Variants in EYS observed in about 807,000 individuals in gnomAD.
EYS encodes the protein protein eyes shut homolog.
Under a neutral mutation model 282.1 loss-of-function variants are expected in EYS, and 250 were observed. The observed-to-expected ratio is 0.89, with a 90% CI of 0.80 to 0.98. The LOEUF (loss-of-function observed/expected upper bound fraction) is 0.98, where lower values mean the gene tolerates loss of function less well. EYS is among the 50% of genes least tolerant of loss of function. The pLI is 0.00. For synonymous variants in EYS, 1,355 were observed against 1,282.9 expected (o/e 1.06, Z -1.20); for missense variants, 4,016 against 3,709.0 (o/e 1.08, Z -2.15).
chr6:64,634,706 ATG>A (rs1418083128), intron 22 of EYS, among the ~76,000 whole-genome samples: 1 of 152,230 alleles, frequency 6.6e-6, no homozygotes, highest in Non-Finnish European at 1.5e-5. Context: ...CCTATTTCAT[ATG>A]TCAAAAAACA....
intron 19 of EYS, among the ~76,000 whole-genome samples, chr6:64,869,211 T>C (rs1766516573): frequency 6.6e-6 from 1 of 151,604 alleles, no homozygotes; most frequent in Admixed American, 6.6e-5. Context: ...CCATGTTCCA[T>C]AAACATGAAC....
intron 39 of EYS, among the ~76,000 whole-genome samples, chr6:63,783,126 C>T (rs1405822830): frequency 6.6e-6 from 1 of 152,152 alleles, no homozygotes; most frequent in Non-Finnish European, 1.5e-5. Context: ...ATGAGAATAA[C>T]TCTCATTTAC....
intron 29 of EYS, among the ~76,000 whole-genome samples, chr6:64,344,101 G>C (rs1299848372): frequency 6.6e-6 from 1 of 152,136 alleles, no homozygotes; most frequent in Non-Finnish European, 1.5e-5. Context: ...GGACAAGATG[G>C]ATTCACAGCC....
At chr6:64,333,825 C>T (rs1296598718) in intron 29 of EYS, among the ~76,000 whole-genome samples, 2 of 152,126 alleles carry the variant, frequency 1.3e-5, no homozygotes, top group Non-Finnish European at 2.9e-5. Context: ...TGTGTTTACC[C>T]AGCTAGCCAA....
At chr6:64,518,775 A>G (rs1777638428) in intron 26 of EYS, among the ~76,000 whole-genome samples, 1 of 131,328 alleles carries the variant, frequency 7.6e-6, no homozygotes, top group Non-Finnish European at 1.7e-5. Flanking sequence ...ACGGGTTTAT[A>G]AGGGGCCCCC....
chr6:64,120,477 T>TA (rs1372920243), intron 31 of EYS, among the ~76,000 whole-genome samples: 5 of 151,792 alleles, frequency 3.3e-5, no homozygotes, highest in Non-Finnish European at 5.9e-5. Context: ...AACTACTTTC[T>TA]AAAATCTTCC....
chr6:63,985,386 A>G (rs988364549), intron 34 of EYS, among the ~76,000 whole-genome samples: 1 of 151,676 alleles, frequency 6.6e-6, no homozygotes, highest in Non-Finnish European at 1.5e-5. Flanking sequence ...TAGTTTCCAG[A>G]GCTGTAAGAA....
intron 31 of EYS, among the ~76,000 whole-genome samples, chr6:64,091,274 C>T (rs924553440): frequency 1.3e-5 from 2 of 152,006 alleles, no homozygotes; most frequent in African/African-American, 2.4e-5. Flanking sequence ...AGACACATTG[C>T]CGTTGATTTA....
At chr6:65,027,344 A>G (rs778000490) in intron 13 of EYS, among the ~76,000 whole-genome samples, 43 of 152,290 alleles carry the variant, frequency 2.8e-4, no homozygotes, top group Middle Eastern at 3.4e-3. Flanking sequence ...ATCTGACTTC[A>G]TTAGAAGTTT....
chr6:64,613,429 A>G (rs191219727), intron 24 of EYS, among the ~76,000 whole-genome samples: 1 of 151,890 alleles, frequency 6.6e-6, no homozygotes, highest in African/African-American at 2.4e-5. Context: ...TGGTGTGTAG[A>G]GAATTTGGAA....
intron 26 of EYS, among the ~76,000 whole-genome samples, chr6:64,579,578 G>T (rs1193019930): frequency 6.6e-6 from 1 of 152,058 alleles, no homozygotes; most frequent in Non-Finnish European, 1.5e-5. Flanking sequence ...TATCTGTGTT[G>T]TTTCTTGGTC....
In EYS at chr6:65,512,424, G is replaced by A. The variant is rs185305425; in HGVS notation, c.-332-16431C>T. On this transcript the variant is annotated intron_variant, in intron 2 of 42. Coordinates refer to ENST00000503581, the MANE Select transcript of EYS (RefSeq NM_001142800.2). ...GAATGGCATGAACCCGGGAGGCGGA[G>A]CTTGCAGTGAGCCAAGATTGAGCCA... 7.7e-3 allele frequency among the ~76,000 whole-genome samples: 1,155 copies of A among 150,648 alleles called. 18 individuals carry two copies. The highest frequency in any genetic ancestry group is 0.025 in the African/African-American group (1,034 of 41,004).
chr6:65,658,795 C>A (rs1039789794), intron 1 of EYS, among the ~76,000 whole-genome samples: 3 of 151,688 alleles, frequency 2.0e-5, no homozygotes, highest in Admixed American at 1.3e-4. Context: ...CCAACACTAA[C>A]CCAACTCTAA....
rs319927 is a variant in EYS at position 63,791,034 on chromosome 6, G to A, written c.7412-1810C>T. Reference sequence around the variant, plus strand: ...ACAGCCTGGTCAGGAGGAGATAGGAGGTTTGTTTCAAGTTCCACGAAGAGC... The same window carrying A: ...ACAGCCTGGTCAGGAGGAGATAGGAAGTTTGTTTCAAGTTCCACGAAGAGC... On this transcript the variant is annotated intron_variant, in intron 37 of 42. Coordinates refer to ENST00000503581, the MANE Select transcript of EYS (RefSeq NM_001142800.2). Among the ~76,000 whole-genome samples, 957 of 152,244 alleles carry A rather than the reference G, an allele frequency of 6.3e-3. 8 individuals are homozygous for A. Among genetic ancestry groups the A allele is most frequent in the African/African-American group, 0.022 (894 of 41,532 alleles).
intron 36 of EYS, among the ~76,000 whole-genome samples, chr6:63,818,451 T>C (rs1771237838): frequency 6.6e-6 from 1 of 152,170 alleles, no homozygotes; most frequent in South Asian, 2.1e-4. Context: ...GTTACCTGGG[T>C]TTTACCAGAA....
intron 31 of EYS, among the ~76,000 whole-genome samples, chr6:64,223,712 T>C (rs1487656100): frequency 6.6e-6 from 1 of 152,100 alleles, no homozygotes; most frequent in East Asian, 1.9e-4. Context: ...ATTTATCTTT[T>C]ATGTGTCAAA....
At chr6:64,562,571 T>G (rs1765430626) in intron 26 of EYS, among the ~76,000 whole-genome samples, 1 of 152,022 alleles carries the variant, frequency 6.6e-6, no homozygotes, top group Admixed American at 6.5e-5. Context: ...TGGCTTAGAG[T>G]GAGGAAAGCA....
chr6:63,814,776 T>A (rs947906383), intron 36 of EYS, among the ~76,000 whole-genome samples: 1 of 152,180 alleles, frequency 6.6e-6, no homozygotes, highest in East Asian at 1.9e-4. Flanking sequence ...TAGGTTCAAA[T>A]CATAATCATA....
rs9451962 is a variant in EYS at position 64,545,761 on chromosome 6, C to A, written c.5644+44462G>T. Among the ~76,000 whole-genome samples the A allele has an allele frequency of 6.7e-3, 1,022 of 152,238 alleles. 15 individuals are homozygous for A. The highest frequency in any genetic ancestry group is 0.024 in the African/African-American group (980 of 41,538). On this transcript the variant is annotated intron_variant, in intron 26 of 42. Coordinates refer to ENST00000503581, the MANE Select transcript of EYS (RefSeq NM_001142800.2). ...CAAAGAGCCAAATCATGAGTGAACT[C>A]CCATTCACAATTGTTTCAAAGAGAA... is the stretch of plus-strand genomic sequence containing the variant.
Sources: gnomAD v4.1 joint callset for allele counts (sites outside exome capture counted in the v4.1 genomes callset) on GRCh38, gnomAD v4.1.1 for gene constraint, MANE v1.5 for transcripts, NCBI Gene and HGNC (gene_info 2026-07-23, HGNC 2026-07-21) for gene names.